CTDSPL: variants seen among roughly 807,000 people sequenced by gnomAD.
CTDSPL encodes the protein CTD small phosphatase-like protein.
CTDSPL carries 8 observed loss-of-function variants against 30.5 expected under a neutral mutation model. The ratio of observed to expected loss-of-function variants is 0.26; its 90% confidence interval spans 0.15 to 0.47. The LOEUF is 0.47. CTDSPL is among the 20% of genes least tolerant of loss of function. CTDSPL has a pLI of 0.99. For synonymous variants in CTDSPL, 110 were observed against 137.9 expected (o/e 0.80, Z 1.42); for missense variants, 248 against 366.1 (o/e 0.68, Z 2.63).
chr3:37,951,104 A>T (rs549400426), intron 2 of CTDSPL, among the ~76,000 whole-genome samples: 1 of 152,362 alleles, frequency 6.6e-6, no homozygotes, highest in Admixed American at 6.5e-5. Flanking sequence ...GCAATGGCTC[A>T]TTCCCGTAAT....
At position 37,948,808 on chromosome 3, in the gene CTDSPL, C is replaced by T. The variant is rs201905358; in HGVS notation, c.234+1597C>T. 3.0e-3 allele frequency among the ~76,000 whole-genome samples: 329 copies of T among 108,162 alleles called. 2 individuals are homozygous for T. Among genetic ancestry groups the T allele is most frequent in the African/African-American group, 0.011 (261 of 24,482 alleles). The allele number at this position is 108,162 out of a possible 152,430, so 71.0% of individuals were successfully genotyped here. A position where few individuals can be genotyped will look rare whatever the true frequency, so the allele number is the denominator to read the frequency against. On this transcript the variant is annotated intron_variant, in intron 2 of 7. Coordinates refer to ENST00000273179, the MANE Select transcript of CTDSPL (RefSeq NM_001008392.2). Reference sequence around the variant, plus strand: ...TAATGAGAGACCATTTTCCAGCTTTCTTTTTTTTTTTTTTTTTTTTTTTGA... The same window carrying T: ...TAATGAGAGACCATTTTCCAGCTTTTTTTTTTTTTTTTTTTTTTTTTTTGA...
chr3:37,907,250 G>A (rs1325821064), intron 1 of CTDSPL, among the ~76,000 whole-genome samples: 2 of 152,190 alleles, frequency 1.3e-5, no homozygotes, highest in African/African-American at 4.8e-5. Context: ...GAGGGTCTTA[G>A]GTGGCCATTT....
intron 2 of CTDSPL, among the ~76,000 whole-genome samples, chr3:37,950,810 C>T (rs1032607471): frequency 6.6e-6 from 1 of 152,126 alleles, no homozygotes; most frequent in Non-Finnish European, 1.5e-5. Flanking sequence ...GAAAGTCTTA[C>T]AAGCTACTAG....
intron 1 of CTDSPL, among the ~76,000 whole-genome samples, chr3:37,906,776 A>G (rs895360208): frequency 6.6e-6 from 1 of 152,160 alleles, no homozygotes; most frequent in African/African-American, 2.4e-5. Context: ...AATCCCACCA[A>G]CTGAGGCTGG....
chr3:37,935,334 AC>A (rs1389093037), intron 1 of CTDSPL, among the ~76,000 whole-genome samples: 3 of 149,388 alleles, frequency 2.0e-5, no homozygotes, highest in Admixed American at 2.0e-4. Flanking sequence ...TAAAAAAAAA[AC>A]GGGGCCTTGT....
At chr3:37,886,178 T>C (rs1233912798) in intron 1 of CTDSPL, among the ~76,000 whole-genome samples, 1 of 152,194 alleles carries the variant, frequency 6.6e-6, no homozygotes, top group East Asian at 1.9e-4. Flanking sequence ...AACATGACTT[T>C]TCCTCAGTCA....
intron 1 of CTDSPL, among the ~76,000 whole-genome samples, chr3:37,926,362 AT>A (rs1461277013): frequency 7.9e-5 from 12 of 152,184 alleles, no homozygotes; most frequent in Admixed American, 5.2e-4. Context: ...AAACACCGTT[AT>A]TTTTTTCATT....
intron 1 of CTDSPL, among the ~76,000 whole-genome samples, chr3:37,872,570 A>T (rs150112487): frequency 0.15 from 7,070 of 46,364 alleles, no homozygotes; most frequent in Middle Eastern, 0.19. Flanking sequence ...AAATTCTTTT[A>T]TCTTTTTTTT....
intron 3 of CTDSPL, among the ~76,000 whole-genome samples, chr3:37,960,559 C>CACACAT (rs1699233552): frequency 8.0e-6 from 1 of 125,418 alleles, no homozygotes; most frequent in African/African-American, 3.1e-5. Context: ...CACACACACA[C>CACACAT]ACACACACAC....
chr3:37,915,585 T>G (rs1279668333), intron 1 of CTDSPL, among the ~76,000 whole-genome samples: 3 of 152,212 alleles, frequency 2.0e-5, no homozygotes, highest in African/African-American at 7.2e-5. Flanking sequence ...CCATATTGAA[T>G]TCTTAATTTT....
intron 1 of CTDSPL, among the ~76,000 whole-genome samples, chr3:37,895,805 A>G (rs918826345): frequency 3.3e-5 from 5 of 152,198 alleles, no homozygotes; most frequent in African/African-American, 1.2e-4. Flanking sequence ...TTACCCAGGT[A>G]TATATATTTG....
chr3:37,927,744 A>C (rs1228342633), intron 1 of CTDSPL, among the ~76,000 whole-genome samples: 2 of 150,270 alleles, frequency 1.3e-5, no homozygotes, highest in Non-Finnish European at 2.9e-5. Context: ...TTAAGTGAAC[A>C]GTACAGTCTT....
chr3:37,977,856 C>T (rs1575326955), intron 7 of CTDSPL, among the ~76,000 whole-genome samples: 1 of 152,056 alleles, frequency 6.6e-6, no homozygotes, highest in African/African-American at 2.4e-5. Flanking sequence ...ATGTTCATGC[C>T]ACTGCACTTC....
intron 1 of CTDSPL, among the ~76,000 whole-genome samples, chr3:37,911,018 T>A (rs1461576099): frequency 1.3e-5 from 2 of 152,236 alleles, no homozygotes; most frequent in African/African-American, 4.8e-5. Context: ...CTGGAGGATG[T>A]TGTCCTGTAT....
At chr3:37,913,758 G>A (rs766508420) in intron 1 of CTDSPL, among the ~76,000 whole-genome samples, 6 of 152,196 alleles carry the variant, frequency 3.9e-5, no homozygotes, top group African/African-American at 1.2e-4. Context: ...ACCTACCAGC[G>A]TTGGTTTCCG....
intron 1 of CTDSPL, among the ~76,000 whole-genome samples, chr3:37,875,236 A>T (rs1219055755): frequency 6.6e-6 from 1 of 152,210 alleles, no homozygotes; most frequent in Non-Finnish European, 1.5e-5. Flanking sequence ...TGAAACCAGG[A>T]CCTAATAAGC....
chr3:37,923,339 C>A (rs11714611), intron 1 of CTDSPL, among the ~76,000 whole-genome samples: 16,811 of 152,106 alleles, frequency 0.11, 982 homozygotes, highest in Middle Eastern at 0.16. Flanking sequence ...TTTTGGGAAA[C>A]CCTGAAAATG....
At chr3:37,901,265 A>C (rs1216823680) in intron 1 of CTDSPL, among the ~76,000 whole-genome samples, 1 of 152,184 alleles carries the variant, frequency 6.6e-6, no homozygotes, top group Non-Finnish European at 1.5e-5. Flanking sequence ...ACCTGGGTCC[A>C]GGTCAAGAAC....
At chr3:37,977,913 A>T (rs906060734) in intron 7 of CTDSPL, among the ~76,000 whole-genome samples, 9 of 152,230 alleles carry the variant, frequency 5.9e-5, no homozygotes, top group Non-Finnish European at 4.4e-5. Context: ...AAGAAGAAAA[A>T]AATAATACAT....
Sources: allele counts gnomAD v4.1 joint callset (sites outside exome capture counted in the v4.1 genomes callset), GRCh38; gene constraint gnomAD v4.1.1; transcripts MANE v1.5; gene names NCBI Gene and HGNC (gene_info 2026-07-23, HGNC 2026-07-21).